RHBDD1: variants seen among roughly 807,000 people sequenced by gnomAD.
The protein encoded by RHBDD1 is rhomboid domain containing 1.
Under a neutral mutation model 36.3 loss-of-function variants are expected in RHBDD1, and 38 were observed. That is an observed-to-expected ratio of 1.05 (90% CI 0.81 to 1.37). The LOEUF (loss-of-function observed/expected upper bound fraction) is 1.37. Ranked by LOEUF, RHBDD1 falls within the 40% of genes most tolerant of loss-of-function variation. RHBDD1 has a pLI of 0.00. For synonymous variants in RHBDD1, 151 were observed against 136.5 expected, an observed-to-expected ratio of 1.11 and a Z score of -0.74; for missense variants, 393 against 377.6, an observed-to-expected ratio of 1.04 and a Z score of -0.34.
intron 8 of RHBDD1, among the ~76,000 whole-genome samples, chr2:226,916,184 T>C (rs189534291): frequency 2.8e-4 from 43 of 152,330 alleles, no homozygotes; most frequent in Middle Eastern, 3.4e-3. Context: ...CAAGACCAGC[T>C]CAGATTCATG....
chr2:226,880,073 C>A (rs1179929044), intron 5 of RHBDD1, among the ~76,000 whole-genome samples: 1 of 152,192 alleles, frequency 6.6e-6, no homozygotes, highest in Non-Finnish European at 1.5e-5. Context: ...CAAGGATGAG[C>A]ATTTTCTGAA....
At chr2:226,952,463 A>G (rs1421185138) in intron 8 of RHBDD1, among the ~76,000 whole-genome samples, 1 of 152,000 alleles carries the variant, frequency 6.6e-6, no homozygotes, top group Non-Finnish European at 1.5e-5. Flanking sequence ...ACGCCCAGCT[A>G]ATTTTTGAAT....
the RHBDD1 span, among the ~76,000 whole-genome samples, chr2:226,803,871 C>G: frequency 6.6e-6 from 1 of 152,100 alleles, no homozygotes; most frequent in Non-Finnish European, 1.5e-5. Flanking sequence ...TTCTCAAACC[C>G]GAGGATCTTG....
chr2:226,910,301 CTT>C (rs1948429986), intron 7 of RHBDD1, among the ~76,000 whole-genome samples: 1 of 152,180 alleles, frequency 6.6e-6, no homozygotes, highest in South Asian at 2.1e-4. Flanking sequence ...CTTTTTACCT[CTT>C]TTAACCTCTG....
Position 226,990,028 on chromosome 2 carries a change from A to G in RHBDD1, c.857-5403A>G, listed in dbSNP as rs139078455. On this transcript the variant is annotated intron_variant, in intron 8 of 8. Transcript: ENST00000392062. ...CACATCTAAATATTACCTTTCTCGT[A>G]AACCAAAACTGAAATTTCCATTTGT... is the stretch of plus-strand genomic sequence containing the variant. Among the ~76,000 whole-genome samples the G allele has an allele frequency of 4.4e-3, 665 of 152,352 alleles. 6 individuals are homozygous for G. The highest frequency in any genetic ancestry group is 0.017 in the Middle Eastern group (5 of 294).
At chr2:226,929,484 A>C (rs548897778) in intron 8 of RHBDD1, among the ~76,000 whole-genome samples, 3 of 152,240 alleles carry the variant, frequency 2.0e-5, no homozygotes, top group African/African-American at 7.2e-5. Context: ...CAAACTAGGA[A>C]TCGAAGGAAT....
At chr2:226,851,314 C>A (rs1574796676) in intron 3 of RHBDD1, among the ~76,000 whole-genome samples, 1 of 151,926 alleles carries the variant, frequency 6.6e-6, no homozygotes, top group East Asian at 2.0e-4. Context: ...AATGCAGAGA[C>A]AACAGATGGA....
intron 8 of RHBDD1, among the ~76,000 whole-genome samples, chr2:226,985,397 A>T (rs1212834931): frequency 6.6e-6 from 1 of 152,242 alleles, no homozygotes; most frequent in Non-Finnish European, 1.5e-5. Context: ...TCAATGCAGC[A>T]GCCTCTGTAG....
chr2:226,860,791 G>A (rs893477104), intron 3 of RHBDD1, among the ~76,000 whole-genome samples: 1 of 152,138 alleles, frequency 6.6e-6, no homozygotes, highest in African/African-American at 2.4e-5. Context: ...CAAAAGACGG[G>A]CACTTCTCAC....
intron 5 of RHBDD1, among the ~76,000 whole-genome samples, chr2:226,882,611 C>T (rs568734961): frequency 4.0e-5 from 6 of 151,454 alleles, no homozygotes; most frequent in African/African-American, 1.2e-4. Flanking sequence ...GTATGGAAAC[C>T]GCCCCCCGCC....
At chr2:226,893,222 C>T (rs1042369726) in intron 5 of RHBDD1, among the ~76,000 whole-genome samples, 2 of 152,210 alleles carry the variant, frequency 1.3e-5, no homozygotes, top group African/African-American at 4.8e-5. Context: ...AGACTGAACT[C>T]ATGGGAATAT....
At chr2:226,858,946 G>C (rs940656204) in intron 3 of RHBDD1, among the ~76,000 whole-genome samples, 3 of 152,082 alleles carry the variant, frequency 2.0e-5, no homozygotes, top group Non-Finnish European at 2.9e-5. Flanking sequence ...CATTTTAAAT[G>C]GATCAGAGAT....
chr2:226,967,082 A>G (rs1290992080), intron 8 of RHBDD1, among the ~76,000 whole-genome samples: 1 of 152,192 alleles, frequency 6.6e-6, no homozygotes, highest in African/African-American at 2.4e-5. Flanking sequence ...TTCCCTGATG[A>G]TGCTGTGATG....
chr2:226,965,942 G>A (rs769549356), intron 8 of RHBDD1, among the ~76,000 whole-genome samples: 20 of 151,818 alleles, frequency 1.3e-4, no homozygotes, highest in African/African-American at 3.1e-4. Context: ...AACATGGGCC[G>A]ATATCACTGA....
upstream of RHBDD1, among the ~76,000 whole-genome samples, chr2:226,832,759 C>T (rs1172337184): frequency 6.6e-6 from 1 of 152,096 alleles, no homozygotes; most frequent in African/African-American, 2.4e-5. Context: ...GGCCTGTAAT[C>T]CCATTTGGGA....
At chr2:226,802,022 C>CT in the RHBDD1 span, among the ~76,000 whole-genome samples, 5 of 151,762 alleles carry the variant, frequency 3.3e-5, no homozygotes, top group Non-Finnish European at 5.9e-5. Flanking sequence ...GTCCCTCCAC[C>CT]CCCCACCCCC....
intron 7 of RHBDD1, among the ~76,000 whole-genome samples, chr2:226,911,065 TAAG>T (rs1282878198): frequency 6.6e-6 from 1 of 152,166 alleles, no homozygotes; most frequent in Non-Finnish European, 1.5e-5. Context: ...TATTTTAAAA[TAAG>T]AAATAGCATG....
At chr2:226,809,952 A>C in the RHBDD1 span, among the ~76,000 whole-genome samples, 1 of 152,242 alleles carries the variant, frequency 6.6e-6, no homozygotes, top group Non-Finnish European at 1.5e-5. Flanking sequence ...ATAATAATGT[A>C]ACATAAAATT....
At chr2:226,919,631 A>G (rs778302336) in intron 8 of RHBDD1, among the ~76,000 whole-genome samples, 22 of 152,044 alleles carry the variant, frequency 1.4e-4, no homozygotes, top group Non-Finnish European at 8.8e-5. Flanking sequence ...TGAGATCAAC[A>G]TAAATGTATG....
Sources: gnomAD v4.1 joint callset for allele counts (sites outside exome capture counted in the v4.1 genomes callset) on GRCh38, gnomAD v4.1.1 for gene constraint, MANE v1.5 for transcripts, NCBI Gene and HGNC (gene_info 2026-07-23, HGNC 2026-07-21) for gene names.